The following ZSCAN5A variants were observed in gnomAD, a reference collection of about 807,000 sequenced individuals.
ZSCAN5A encodes zinc finger and SCAN domain containing 5A, also known as zinc finger and SCAN domain-containing protein 5A.
In ZSCAN5A, 12 loss-of-function variants were observed where a neutral mutation model predicts 23.7. The ratio of observed to expected loss-of-function variants is 0.51; its 90% CI spans 0.32 to 0.82. ZSCAN5A has a LOEUF of 0.82. Among genes scored for constraint, ZSCAN5A ranks in the 40% least tolerant of loss-of-function variants. The pLI is 0.03. For missense variants in ZSCAN5A, 597 were observed against 617.9 expected (o/e 0.97, Z 0.36); for synonymous variants, 257 against 239.9 (o/e 1.07, Z -0.66).
At chr19:56,250,263 C>T (rs1212170345) in intron 2 of ZSCAN5A, among the ~76,000 whole-genome samples, 1 of 152,212 alleles carries the variant, frequency 6.6e-6, no homozygotes, top group East Asian at 1.9e-4. Context: ...TGATGCCTGA[C>T]TCTCACCCTC....
intron 2 of ZSCAN5A, among the ~76,000 whole-genome samples, chr19:56,332,277 CTAT>C (rs1568755939): frequency 6.6e-6 from 1 of 152,134 alleles, no homozygotes; most frequent in Non-Finnish European, 1.5e-5. Context: ...AAGTCCCCTA[CTAT>C]TATTGTGTGG....
intron 2 of ZSCAN5A, among the ~76,000 whole-genome samples, chr19:56,238,263 G>C (rs1385649773): frequency 2.0e-5 from 3 of 152,124 alleles, no homozygotes; most frequent in Non-Finnish European, 2.9e-5. Context: ...GATTACTTGA[G>C]GCCAGGAATT....
intron 2 of ZSCAN5A, chr19:56,347,475 A>C (rs1026381569): frequency 1.3e-5 from 2 of 152,178 alleles, no homozygotes; most frequent in South Asian, 4.2e-4. Flanking sequence ...TGCACAAGTT[A>C]AGTCCTTGAG....
chr19:56,302,592 CTCTCCCTCT>C, intron 2 of ZSCAN5A, among the ~76,000 whole-genome samples: 1 of 45,546 alleles, frequency 2.2e-5, no homozygotes, highest in Non-Finnish European at 3.8e-5. Context: ...CCTTTTCTTC[CTCTCCCTCT>C]TCTTCCTCTC....
chr19:56,301,321 G>A (rs1016305015), intron 2 of ZSCAN5A, among the ~76,000 whole-genome samples: 1 of 152,106 alleles, frequency 6.6e-6, no homozygotes, highest in Admixed American at 6.5e-5. Flanking sequence ...TCCTGGAGCT[G>A]AGGGTGCCTC....
At chr19:56,366,299 GGGTGT>G (rs1387830932) in intron 1 of ZSCAN5A, among the ~76,000 whole-genome samples, 1 of 151,978 alleles carries the variant, frequency 6.6e-6, no homozygotes, top group Non-Finnish European at 1.5e-5. Flanking sequence ...AAAATTAGCT[GGGTGT>G]GGTGGCGGAT....
intron 2 of ZSCAN5A, among the ~76,000 whole-genome samples, chr19:56,254,986 G>A (rs2036598611): frequency 6.6e-6 from 1 of 151,940 alleles, no homozygotes; most frequent in Non-Finnish European, 1.5e-5. Context: ...TATTCCATTG[G>A]TTGCTTTCAC....
chr19:56,309,249 C>A (rs190344800), intron 2 of ZSCAN5A, among the ~76,000 whole-genome samples: 157 of 152,238 alleles, frequency 1.0e-3, no homozygotes, highest in African/African-American at 3.6e-3. Context: ...ACAGATCTGG[C>A]AAATTCAAAG....
At chr19:56,331,019 C>T (rs759346894) in intron 2 of ZSCAN5A, among the ~76,000 whole-genome samples, 1 of 152,204 alleles carries the variant, frequency 6.6e-6, no homozygotes, top group Admixed American at 6.5e-5. Context: ...CATTCTTCTG[C>T]ATATGCCTAG....
At chr19:56,246,405 C>T (rs112959840) in intron 2 of ZSCAN5A, 59 of 565,230 alleles carry the variant, frequency 1.0e-4, no homozygotes, top group African/African-American at 7.5e-4. Flanking sequence ...AGGATCTGAA[C>T]GTAGACAGGG....
At chr19:56,281,708 A>C in intron 2 of ZSCAN5A, 1 of 985,294 alleles carries the variant, frequency 1.0e-6, no homozygotes, top group Non-Finnish European at 1.2e-6. Flanking sequence ...TGTAAGTCAT[A>C]TCTCCTTCTC....
intron 2 of ZSCAN5A, among the ~76,000 whole-genome samples, chr19:56,345,638 T>C (rs972905207): frequency 6.6e-6 from 1 of 152,196 alleles, no homozygotes. Flanking sequence ...TAGAATGGTA[T>C]AAGGAGACCA....
intron 1 of ZSCAN5A, among the ~76,000 whole-genome samples, chr19:56,365,498 T>C (rs2041758654): frequency 6.6e-6 from 1 of 152,222 alleles, no homozygotes; most frequent in Non-Finnish European, 1.5e-5. Context: ...GAGTCTCATA[T>C]GGATACAAAA....
upstream of ZSCAN5A, chr19:56,319,822 G>A (rs539321639): frequency 2.4e-5 from 19 of 779,028 alleles, no homozygotes; most frequent in Middle Eastern, 4.6e-4. Context: ...CTCTTCTGTC[G>A]AGGTTCTCTT....
At chr19:56,263,942 T>C (rs2037295413) in intron 2 of ZSCAN5A, among the ~76,000 whole-genome samples, 2 of 151,786 alleles carry the variant, frequency 1.3e-5, no homozygotes. Context: ...TATGATTTTA[T>C]GTAAGAGGAA....
rs976228242 is a variant in ZSCAN5A, at chr19:56,358,372, C to T, written c.-358+4863G>A. ...CTGACCTCAAGTGATCCACCCGCCT[C>T]AGCCTCCCAAAGCGCTGGGATTACA... On this transcript the variant is annotated intron_variant, in intron 2 of 6. Transcript: ENST00000587340. 5.4e-5 allele frequency among the ~76,000 whole-genome samples: 8 copies of T among 149,132 alleles called. No homozygotes were observed. The South Asian group carries it at 8.6e-4, about 16-fold the overall frequency.
At chr19:56,304,752 C>A (rs938081835) in intron 2 of ZSCAN5A, 1 of 984,368 alleles carries the variant, frequency 1.0e-6, no homozygotes, top group East Asian at 1.1e-4. Flanking sequence ...CTCACCCCAA[C>A]TGTTTCTTTC....
At chr19:56,291,312 C>T (rs1384820753) in intron 2 of ZSCAN5A, among the ~76,000 whole-genome samples, 1 of 152,196 alleles carries the variant, frequency 6.6e-6, no homozygotes, top group East Asian at 1.9e-4. Context: ...TTCCTAATCT[C>T]TGGAAGATGA....
chr19:56,353,570 G>C (rs2041681610), intron 2 of ZSCAN5A, among the ~76,000 whole-genome samples: 1 of 152,036 alleles, frequency 6.6e-6, no homozygotes, highest in Admixed American at 6.5e-5. Context: ...GAGGTCAGGA[G>C]ATCGAGACCA....
Sources: allele counts gnomAD v4.1 joint callset (sites outside exome capture counted in the v4.1 genomes callset), GRCh38; gene constraint gnomAD v4.1.1; transcripts MANE v1.5; gene names NCBI Gene and HGNC (gene_info 2026-07-23, HGNC 2026-07-21).